PDXDC1: variants seen among roughly 807,000 people sequenced by gnomAD.
The protein encoded by PDXDC1 is pyridoxal dependent decarboxylase domain containing 1.
In PDXDC1, 42 loss-of-function variants were observed where a neutral mutation model predicts 100.1. The ratio of observed to expected loss-of-function variants is 0.42; its 90% CI spans 0.33 to 0.54. The LOEUF (loss-of-function observed/expected upper bound fraction) is 0.54, where lower values mean the gene tolerates loss of function less well. Ranked by LOEUF, PDXDC1 falls within the 20% of genes least tolerant of loss-of-function variation. PDXDC1 has a pLI of 0.10. For synonymous variants in PDXDC1, 260 were observed against 371.7 expected, an observed-to-expected ratio of 0.70 and a Z score of 3.46; for missense variants, 636 against 979.2, an observed-to-expected ratio of 0.65 and a Z score of 4.68.
In PDXDC1 at chr16:15,108,274, G is replaced by A. The variant is rs1003357898; in HGVS notation, c.1400-30605G>A. On this transcript the variant is annotated intron_variant, in intron 16 of 16. Coordinates refer to the PDXDC1 transcript ENST00000535621. The stretch of plus-strand genomic sequence containing the variant: ...GGTCCTGATCCTAAGGATCTCACCT[G>A]ATACTTGGTTTTATAGGAAGGATGT... The A allele has an allele frequency of 1.9e-5, 17 of 916,986 alleles. 1 individual carries two copies. Among genetic ancestry groups the A allele is most frequent in the Non-Finnish European group, 2.2e-5 (17 of 767,112 alleles). The allele number at this position is 916,986 out of a possible 1,614,324, so 56.8% of individuals were successfully genotyped here.
At chr16:14,984,493 ATAT>A (rs1567611328) in intron 1 of PDXDC1, among the ~76,000 whole-genome samples, 18 of 83,878 alleles carry the variant, frequency 2.1e-4, no homozygotes, top group African/African-American at 6.6e-4. Context: ...ATATATATAT[ATAT>A]TTTTTTTTTT....
chr16:15,026,298 G>A, intron 13 of PDXDC1: 1 of 334,216 alleles, frequency 3.0e-6, no homozygotes, highest in Admixed American at 4.7e-5. Flanking sequence ...GAAAGCATGG[G>A]CTCTCTCCGC....
In PDXDC1 at chr16:15,053,057, C is replaced by T. The variant is rs138173011; in HGVS notation, c.1399+23001C>T. On this transcript the variant is annotated intron_variant, in intron 16 of 16. Transcript: ENST00000535621. ...ACTGTCTCATTAGTAGCCATGCTGTCTGCTCGGCACTTGAAATGTGGCTAC... is the reference window on the plus strand; with the variant it reads ...ACTGTCTCATTAGTAGCCATGCTGTTTGCTCGGCACTTGAAATGTGGCTAC... Among the ~76,000 whole-genome samples, 69 of 152,328 alleles carry T rather than the reference C, an allele frequency of 4.5e-4. No individual in the cohort carries two copies. The East Asian group carries it at 0.013, about 29-fold the overall frequency.
chr16:15,111,735 T>C (rs2047074834), intron 16 of PDXDC1, among the ~76,000 whole-genome samples: 1 of 109,826 alleles, frequency 9.1e-6, no homozygotes, highest in South Asian at 3.0e-4. Flanking sequence ...TCCAGCCTGG[T>C]GACAGAGTGA....
At chr16:14,986,769 CAG>C (rs1264600158) in intron 1 of PDXDC1, among the ~76,000 whole-genome samples, 1 of 152,288 alleles carries the variant, frequency 6.6e-6, no homozygotes, top group African/African-American at 2.4e-5. Flanking sequence ...TTGTTTGAGA[CAG>C]AGTCTTGCTC....
chr16:14,990,027 C>T (rs1970380357), intron 1 of PDXDC1: 2 of 1,474,744 alleles, frequency 1.4e-6, no homozygotes, highest in Non-Finnish European at 8.9e-7. Context: ...GTGCAGGCCG[C>T]CCGCCGCCCG....
downstream of PDXDC1, among the ~76,000 whole-genome samples, chr16:15,140,735 C>G (rs1357706048): frequency 6.6e-6 from 1 of 152,126 alleles, no homozygotes; most frequent in Non-Finnish European, 1.5e-5. Flanking sequence ...GAGAACTCCA[C>G]CTCCCCTCGG....
chr16:15,130,749 T>C (rs746316837), intron 16 of PDXDC1: 50 of 1,371,200 alleles, frequency 3.6e-5, no homozygotes, highest in African/African-American at 8.3e-5. Context: ...CGAGTGCAGG[T>C]AGACTGCCAG....
chr16:14,987,992 CTTTTTTTTT>C (rs58211541), intron 1 of PDXDC1, among the ~76,000 whole-genome samples: 626 of 134,590 alleles, frequency 4.7e-3, no homozygotes, highest in African/African-American at 0.01. Context: ...TTATACAATT[CTTTTTTTTT>C]TTTTTTTTTT....
At chr16:15,033,175 A>G in intron 18 of PDXDC1, 103 bp from the exon 19 acceptor site, 1 of 1,289,536 alleles carries the variant, frequency 7.8e-7, no homozygotes, top group Non-Finnish European at 1.1e-6. Flanking sequence ...TCCATGGAGG[A>G]GACCCCTTTG....
intron 8 of PDXDC1, among the ~76,000 whole-genome samples, chr16:15,015,594 G>A (rs2041727926): frequency 1.3e-5 from 2 of 152,256 alleles, no homozygotes; most frequent in Admixed American, 1.3e-4. Context: ...GCCACCGCCT[G>A]TAATCCCACC....
chr16:15,135,897 G>A (rs2048326257), intron 16 of PDXDC1: 4 of 1,577,512 alleles, frequency 2.5e-6, no homozygotes, highest in Non-Finnish European at 3.5e-6. Context: ...CCCACAGGCA[G>A]CGCCAGCCGC....
intron 2 of PDXDC1, among the ~76,000 whole-genome samples, chr16:14,998,113 C>T (rs1972394737): frequency 6.6e-6 from 1 of 152,250 alleles, no homozygotes; most frequent in South Asian, 2.1e-4. Flanking sequence ...TCATATAGAG[C>T]ACCAAGTAAA....
downstream of PDXDC1, among the ~76,000 whole-genome samples, chr16:15,140,177 G>C (rs2048445413): frequency 6.6e-6 from 1 of 151,000 alleles, no homozygotes; most frequent in Non-Finnish European, 1.5e-5. Flanking sequence ...GGGTGCAATG[G>C]CTCCTGCCTG....
At position 15,092,473 on chromosome 16, in the gene PDXDC1, A is replaced by G. The variant is rs757893140; in HGVS notation, c.1400-46406A>G. 5.7e-5 allele frequency: 79 copies of G among 1,388,684 alleles called. No homozygotes were observed. In the Admixed American group the frequency reaches 6.4e-4, roughly 11 times the overall value. The allele number at this position is 1,388,684 out of a possible 1,614,324, so 86.0% of individuals were successfully genotyped here. Reference sequence around the variant, plus strand: ...AACAGCAATAGTTGTATTCTGACCTAACCAAAAGCAAACCTCACACATTAT... The same window carrying G: ...AACAGCAATAGTTGTATTCTGACCTGACCAAAAGCAAACCTCACACATTAT... On this transcript the variant is annotated intron_variant, in intron 16 of 16. Coordinates refer to the PDXDC1 transcript ENST00000535621.
intron 16 of PDXDC1, among the ~76,000 whole-genome samples, chr16:15,075,178 G>A (rs2045398315): frequency 1.3e-5 from 2 of 151,780 alleles, no homozygotes; most frequent in Admixed American, 6.6e-5. Flanking sequence ...TGAACTGGGA[G>A]GTGGAGGAGG....
chr16:15,005,976 C>T (rs1206046741), intron 5 of PDXDC1, among the ~76,000 whole-genome samples: 1 of 152,290 alleles, frequency 6.6e-6, no homozygotes, highest in Admixed American at 6.5e-5. Context: ...GCGTGAGCCA[C>T]CACACCCAGC....
chr16:15,130,240 G>C (rs770854754), intron 16 of PDXDC1: 2 of 1,549,308 alleles, frequency 1.3e-6, no homozygotes, highest in Non-Finnish European at 1.7e-6. Flanking sequence ...GGCACGAAGA[G>C]GCTGGCGCCG....
intron 1 of PDXDC1, among the ~76,000 whole-genome samples, chr16:14,995,043 G>A (rs1247212637): frequency 1.3e-5 from 2 of 152,306 alleles, no homozygotes; most frequent in Non-Finnish European, 2.9e-5. Flanking sequence ...ATTTTGGGCT[G>A]AGACGATGGG....
Sources: gnomAD v4.1 joint callset for allele counts (sites outside exome capture counted in the v4.1 genomes callset) on GRCh38, gnomAD v4.1.1 for gene constraint, MANE v1.5 for transcripts, NCBI Gene and HGNC (gene_info 2026-07-23, HGNC 2026-07-21) for gene names.